AKAP13: variants seen among roughly 807,000 people sequenced by gnomAD.
AKAP13 encodes A-kinase anchor protein 13.
AKAP13 carries 80 observed loss-of-function variants against 264.5 expected under a neutral mutation model. The ratio of observed to expected loss-of-function variants is 0.30; its 90% confidence interval spans 0.25 to 0.36. The LOEUF (loss-of-function observed/expected upper bound fraction) is 0.36, where lower values mean the gene tolerates loss of function less well. AKAP13 is among the 10% of genes least tolerant of loss of function. AKAP13 has a pLI of 1.00. For missense variants in AKAP13, 3,712 were observed against 3,435.2 expected (o/e 1.08, Z -2.01); for synonymous variants, 1,380 against 1,250.2 (o/e 1.10, Z -2.19).
chr15:85,590,028 T>G (rs10520596), intron 8 of AKAP13, among the ~76,000 whole-genome samples: 21,513 of 152,100 alleles, frequency 0.14, 2,044 homozygotes, highest in African/African-American at 0.25. Context: ...CTGAAAAGGG[T>G]TAGAGTCTAT....
chr15:85,546,608 T>C (rs1337521910), intron 5 of AKAP13, among the ~76,000 whole-genome samples: 1 of 152,174 alleles, frequency 6.6e-6, no homozygotes, highest in African/African-American at 2.4e-5. Context: ...ATAGACTTCA[T>C]GGGGTCTGTA....
chr15:85,709,927 A>G (rs1744109203), intron 18 of AKAP13, among the ~76,000 whole-genome samples: 1 of 151,980 alleles, frequency 6.6e-6, no homozygotes. Context: ...ACCTGAGGTG[A>G]TCCACCCACC....
Position 85,445,867 on chromosome 15 carries a change from A to G in AKAP13, c.-11-39843A>G, listed in dbSNP as rs997255556. Among the ~76,000 whole-genome samples the G allele has an allele frequency of 2.6e-5, 4 of 152,054 alleles. No homozygotes were observed. The East Asian group carries it at 7.7e-4, about 29-fold the overall frequency. On this transcript the variant is annotated intron_variant, in intron 1 of 36. Coordinates refer to ENST00000394518, the MANE Select transcript of AKAP13 (RefSeq NM_007200.5). ...TATGGATACATAATTGTACATTTTT[A>G]TGGGGTACATGTGATATTTAATACA... is the stretch of plus-strand genomic sequence containing the variant.
At chr15:85,710,822 C>T (rs1451412695) in intron 19 of AKAP13, among the ~76,000 whole-genome samples, 177 bp downstream of exon 19, 1 of 152,056 alleles carries the variant, frequency 6.6e-6, no homozygotes, top group Non-Finnish European at 1.5e-5. Context: ...AACATTATAC[C>T]ATCAAACCCT....
At chr15:85,542,636 C>T (rs2077612031) in intron 4 of AKAP13, among the ~76,000 whole-genome samples, 1 of 152,170 alleles carries the variant, frequency 6.6e-6, no homozygotes, top group Admixed American at 6.5e-5. Context: ...ATTCCCAGCT[C>T]CCTGGAGTTA....
At chr15:85,744,519 A>G in intron 36 of AKAP13, 109 bp from the exon 37 acceptor site, 2 of 1,190,388 alleles carry the variant, frequency 1.7e-6, no homozygotes, top group East Asian at 2.3e-5. Flanking sequence ...AATTGCCCAT[A>G]AGCCCCAGTC....
intron 5 of AKAP13, among the ~76,000 whole-genome samples, chr15:85,558,868 C>T (rs2078245675): frequency 6.6e-6 from 1 of 151,902 alleles, no homozygotes; most frequent in Admixed American, 6.6e-5. Context: ...TGTGTTTTTG[C>T]CCCACGAGAA....
chr15:85,460,911 C>T (rs55767890), intron 1 of AKAP13, among the ~76,000 whole-genome samples: 62 of 151,496 alleles, frequency 4.1e-4, no homozygotes, highest in African/African-American at 1.3e-3. Context: ...CCTGTGAGAT[C>T]GATCTCAGAT....
intron 1 of AKAP13, among the ~76,000 whole-genome samples, chr15:85,429,197 G>C (rs1445693193): frequency 2.0e-5 from 3 of 151,994 alleles, no homozygotes; most frequent in Non-Finnish European, 4.4e-5. Context: ...CACCTCTTGG[G>C]CCCCCTATCT....
chr15:85,685,922 C>G (rs2084884847), intron 16 of AKAP13, among the ~76,000 whole-genome samples: 1 of 152,122 alleles, frequency 6.6e-6, no homozygotes, highest in Non-Finnish European at 1.5e-5. Flanking sequence ...TTATATATTT[C>G]TAATCTTTTT....
chr15:85,598,919 C>T (rs2079936000), intron 8 of AKAP13, among the ~76,000 whole-genome samples: 1 of 152,210 alleles, frequency 6.6e-6, no homozygotes, highest in Non-Finnish European at 1.5e-5. Context: ...TCAGACTTTT[C>T]ATTCCAGTTC....
Position 85,386,158 on chromosome 15 carries a change from A to C in AKAP13, c.-12+5360A>C, listed in dbSNP as rs75900369. On this transcript the variant is annotated intron_variant, in intron 1 of 36. Coordinates refer to ENST00000394518, the MANE Select transcript of AKAP13 (RefSeq NM_007200.5). The stretch of plus-strand genomic sequence containing the variant: ...TTAATAATGTCTTTTGAAGAGCAGA[A>C]GTTCTTAATTTTTATGATATCCAGT... Among the ~76,000 whole-genome samples, 556 of 152,006 alleles carry C rather than the reference A, an allele frequency of 3.7e-3. 27 individuals carry two copies. In the East Asian group the frequency reaches 0.088, roughly 24 times the overall value.
chr15:85,458,357 T>G lies in AKAP13; in HGVS notation c.-11-27353T>G, dbSNP rs142790654. Among the ~76,000 whole-genome samples the G allele has an allele frequency of 2.9e-4, 44 of 150,712 alleles. No homozygotes were observed. In the East Asian group the frequency reaches 7.6e-3, roughly 26 times the overall value. ...ACTATGAACATTTGAGTCTTCCCCT[T>G]TCTTTTTTTCTCTTTTTTTGTATTT... is the stretch of plus-strand genomic sequence containing the variant. On this transcript the variant is annotated intron_variant, in intron 1 of 36. Coordinates refer to ENST00000394518, the MANE Select transcript of AKAP13 (RefSeq NM_007200.5).
At chr15:85,707,139 C>T (rs1000261193) in intron 17 of AKAP13, among the ~76,000 whole-genome samples, 2 of 152,146 alleles carry the variant, frequency 1.3e-5, no homozygotes, top group Non-Finnish European at 2.9e-5. Flanking sequence ...AGTGTCTCCT[C>T]GAGTGTCCCC....
intron 17 of AKAP13, among the ~76,000 whole-genome samples, chr15:85,698,488 G>A (rs1223453261): frequency 7.0e-6 from 1 of 143,856 alleles, no homozygotes; most frequent in Non-Finnish European, 1.5e-5. Context: ...AAAAAGGAGA[G>A]AGAGAATATA....
At chr15:85,477,521 G>A (rs373414868) in intron 1 of AKAP13, among the ~76,000 whole-genome samples, 2 of 151,028 alleles carry the variant, frequency 1.3e-5, no homozygotes, top group East Asian at 3.9e-4. Flanking sequence ...GATCCTTGCT[G>A]TGTCTGGGTT....
intron 1 of AKAP13, among the ~76,000 whole-genome samples, chr15:85,388,013 G>A (rs1352095028): frequency 5.4e-5 from 8 of 147,584 alleles, no homozygotes; most frequent in Admixed American, 2.1e-4. Flanking sequence ...TGATTTCTTC[G>A]TTTTCACTTT....
At chr15:85,622,067 A>G (rs891985477) in intron 8 of AKAP13, among the ~76,000 whole-genome samples, 7 of 152,226 alleles carry the variant, frequency 4.6e-5, no homozygotes, top group Non-Finnish European at 1.0e-4. Flanking sequence ...AGAAGACCAC[A>G]TCTTTGAGAA....
At chr15:85,505,869 A>G (rs1192892743) in intron 2 of AKAP13, among the ~76,000 whole-genome samples, 2 of 152,088 alleles carry the variant, frequency 1.3e-5, no homozygotes, top group African/African-American at 4.8e-5. Context: ...AGTCTTTTTG[A>G]ATTTTAGTTA....
Sources: allele counts gnomAD v4.1 joint callset (sites outside exome capture counted in the v4.1 genomes callset), GRCh38; gene constraint gnomAD v4.1.1; transcripts MANE v1.5; gene names NCBI Gene and HGNC (gene_info 2026-07-23, HGNC 2026-07-21).